SOX5: variants seen among roughly 807,000 people sequenced by gnomAD.
SOX5 encodes the protein SRY-box transcription factor 5.
SOX5 carries 9 observed loss-of-function variants against 92.0 expected under a neutral mutation model. That is an observed-to-expected ratio of 0.10 (90% CI 0.06 to 0.17). The LOEUF is 0.17. Among genes scored for constraint, SOX5 ranks in the 10% least tolerant of loss-of-function variants. The pLI, the probability that SOX5 is intolerant of heterozygous loss-of-function variation, is 1.00. For synonymous variants in SOX5, 344 were observed against 336.3 expected (o/e 1.02, Z -0.25); for missense variants, 642 against 944.5 (o/e 0.68, Z 4.20).
intron 4 of SOX5, among the ~76,000 whole-genome samples, chr12:24,036,842 A>C (rs1011449964): frequency 9.2e-5 from 14 of 152,212 alleles, no homozygotes; most frequent in African/African-American, 3.4e-4. Context: ...GTTGGTAAAC[A>C]TATATAATAG....
chr12:24,254,376 G>GTT (rs1281541157), intron 3 of SOX5, among the ~76,000 whole-genome samples: 2 of 147,116 alleles, frequency 1.4e-5, no homozygotes, highest in Non-Finnish European at 3.0e-5. Flanking sequence ...CAAACCCATT[G>GTT]TAAGTTGTAA....
chr12:24,382,576 A>C (rs1957944824), intron 1 of SOX5, among the ~76,000 whole-genome samples: 1 of 152,134 alleles, frequency 6.6e-6, no homozygotes, highest in South Asian at 2.1e-4. Flanking sequence ...ATGACATCTG[A>C]CTAATCTGAT....
intron 1 of SOX5, among the ~76,000 whole-genome samples, chr12:24,422,063 G>A (rs572583535): frequency 1.3e-5 from 2 of 152,290 alleles, no homozygotes; most frequent in East Asian, 3.9e-4. Flanking sequence ...GGTAAAACCT[G>A]TTCCATAAAA....
At chr12:24,010,640 G>A (rs1355099712) in intron 4 of SOX5, among the ~76,000 whole-genome samples, 1 of 152,092 alleles carries the variant, frequency 6.6e-6, no homozygotes, top group East Asian at 1.9e-4. Flanking sequence ...TTAAAAATTT[G>A]AATAATATTC....
intron 6 of SOX5, among the ~76,000 whole-genome samples, chr12:23,683,785 TAATC>T (rs1268081326): frequency 1.3e-5 from 2 of 152,036 alleles, no homozygotes; most frequent in Non-Finnish European, 2.9e-5. Flanking sequence ...ACAGTTTTCT[TAATC>T]AATCATCCTC....
chr12:23,533,319 C>T lies in SOX5; in HGVS notation c.*900G>A, dbSNP rs767902277. ...ATTTCTTATGTCTCTCTCTCTCTCT[C>T]TCTTTTCACCTGAGAACAGCACCTA... is the stretch of plus-strand genomic sequence containing the variant. On this transcript the variant is annotated 3_prime_UTR_variant, in exon 15 of 15. Transcript: ENST00000451604. 8.5e-6 allele frequency: 3 copies of T among 352,436 alleles called. No individual in the cohort carries two copies. The highest frequency in any genetic ancestry group is 7.9e-5 in the East Asian group (1 of 12,596). 21.8% of individuals were successfully genotyped at this position (352,436 alleles called of 1,614,324 possible). A position where few individuals can be genotyped will look rare whatever the true frequency, so the allele number is the denominator to read the frequency against.
intron 3 of SOX5, among the ~76,000 whole-genome samples, chr12:24,214,311 A>G (rs1194465396): frequency 6.6e-6 from 1 of 152,124 alleles, no homozygotes; most frequent in African/African-American, 2.4e-5. Context: ...GAATTTAATT[A>G]TTGATTTCTG....
chr12:23,777,344 G>A (rs1012979544), intron 3 of SOX5, among the ~76,000 whole-genome samples: 12 of 152,258 alleles, frequency 7.9e-5, no homozygotes, highest in African/African-American at 2.9e-4. Flanking sequence ...TACAGGCAGG[G>A]ATACTCTTGT....
intron 7 of SOX5, among the ~76,000 whole-genome samples, chr12:23,650,346 A>G (rs60427881): frequency 2.6e-5 from 4 of 152,086 alleles, no homozygotes; most frequent in Non-Finnish European, 4.4e-5. Context: ...CTTCCCATGT[A>G]TTATAAATGT....
chr12:23,576,577 G>C lies in SOX5; in HGVS notation c.1165-739C>G, dbSNP rs559092730. On this transcript the variant is annotated intron_variant, in intron 9 of 14. Transcript: ENST00000451604. Reference sequence around the variant, plus strand: ...GTTTCTCTTATACTATATGTGTCACGAAGATCATGTGATCAGTTCAGCATG... The same window carrying C: ...GTTTCTCTTATACTATATGTGTCACCAAGATCATGTGATCAGTTCAGCATG... Among the ~76,000 whole-genome samples, 9 of 152,072 alleles carry C rather than the reference G, an allele frequency of 5.9e-5. No homozygotes were observed. In the East Asian group the frequency reaches 1.2e-3, roughly 20 times the overall value.
chr12:23,745,583 A>G (rs997153508), intron 4 of SOX5, among the ~76,000 whole-genome samples: 2 of 152,116 alleles, frequency 1.3e-5, no homozygotes, highest in African/African-American at 4.8e-5. Context: ...ATGTTCTAAC[A>G]TTATCCCACC....
chr12:24,256,422 G>C (rs953547714), intron 3 of SOX5, among the ~76,000 whole-genome samples: 9 of 152,076 alleles, frequency 5.9e-5, no homozygotes, highest in Non-Finnish European at 1.2e-4. Flanking sequence ...TTACCATTCA[G>C]AGCCAAAGGC....
chr12:24,514,616 C>T (rs1949612599), intron 1 of SOX5, among the ~76,000 whole-genome samples: 1 of 152,156 alleles, frequency 6.6e-6, no homozygotes, highest in Non-Finnish European at 1.5e-5. Flanking sequence ...AAGTTCATTG[C>T]AGCACTATTC....
At chr12:23,693,177 C>A (rs1359718293) in intron 6 of SOX5, among the ~76,000 whole-genome samples, 3 of 152,104 alleles carry the variant, frequency 2.0e-5, no homozygotes, top group African/African-American at 7.2e-5. Flanking sequence ...GGCTGGAGTG[C>A]AAGTGGCACG....
At chr12:24,076,767 A>C (rs573982985) in intron 4 of SOX5, among the ~76,000 whole-genome samples, 33 of 135,368 alleles carry the variant, frequency 2.4e-4, no homozygotes, top group African/African-American at 7.8e-4. Flanking sequence ...TTTATTTGGC[A>C]TGAGACTTCT....
chr12:24,150,776 G>C (rs1336659209), intron 4 of SOX5, among the ~76,000 whole-genome samples: 1 of 151,958 alleles, frequency 6.6e-6, no homozygotes, highest in African/African-American at 2.4e-5. Context: ...GTAAAACAAG[G>C]GCTGCATCCT....
chr12:24,363,518 T>C (rs1020183919), intron 2 of SOX5, among the ~76,000 whole-genome samples: 2 of 152,178 alleles, frequency 1.3e-5, no homozygotes, highest in Non-Finnish European at 2.9e-5. Flanking sequence ...ACAAAATATA[T>C]AGCCAAGTGT....
chr12:24,344,281 CAAAAAAAAA>C (rs61660537), intron 2 of SOX5, among the ~76,000 whole-genome samples: 4 of 104,324 alleles, frequency 3.8e-5, no homozygotes, highest in Middle Eastern at 5.4e-3. Context: ...GACTCTGTCT[CAAAAAAAAA>C]AAAAAAAAAA....
chr12:24,343,708 T>C (rs1952848350), intron 2 of SOX5, among the ~76,000 whole-genome samples: 1 of 152,032 alleles, frequency 6.6e-6, no homozygotes, highest in African/African-American at 2.4e-5. Flanking sequence ...AAACTAATAA[T>C]TGAATGAATG....
Sources: gnomAD v4.1 joint callset for allele counts (sites outside exome capture counted in the v4.1 genomes callset) on GRCh38, gnomAD v4.1.1 for gene constraint, MANE v1.5 for transcripts, NCBI Gene and HGNC (gene_info 2026-07-23, HGNC 2026-07-21) for gene names.